Variants in KALRN observed in about 807,000 individuals in gnomAD.
KALRN encodes the protein kalirin RhoGEF kinase.
A neutral mutation model predicts 353.7 loss-of-function variants in KALRN; 70 were observed. That is an observed-to-expected ratio of 0.20 (90% CI 0.16 to 0.24). The LOEUF (loss-of-function observed/expected upper bound fraction) is 0.24. Ranked by LOEUF, KALRN falls within the 10% of genes least tolerant of loss-of-function variation. KALRN has a pLI of 1.00. For missense variants in KALRN, 2,791 were observed against 3,756.7 expected (o/e 0.74, Z 6.72); for synonymous variants, 1,391 against 1,434.8 (o/e 0.97, Z 0.69).
intron 18 of KALRN, among the ~76,000 whole-genome samples, chr3:124,440,387 T>C (rs1301290597): frequency 6.6e-6 from 1 of 152,154 alleles, no homozygotes; most frequent in Non-Finnish European, 1.5e-5. Flanking sequence ...CCTGTCACTG[T>C]GGGAATGATA....
At chr3:124,324,371 T>G (rs776559682) in intron 6 of KALRN, among the ~76,000 whole-genome samples, 11 of 152,222 alleles carry the variant, frequency 7.2e-5, no homozygotes, top group Non-Finnish European at 1.5e-4. Context: ...CTCCCCATTC[T>G]TCCTCTCTAT....
intron 1 of KALRN, among the ~76,000 whole-genome samples, chr3:124,079,504 G>A (rs1443634815): frequency 6.6e-6 from 1 of 152,042 alleles, no homozygotes; most frequent in African/African-American, 2.4e-5. Context: ...CTAACATTTA[G>A]GACCCAGAGC....
At chr3:124,346,047 A>G (rs140718566) in intron 9 of KALRN, among the ~76,000 whole-genome samples, 285 of 152,322 alleles carry the variant, frequency 1.9e-3, no homozygotes, top group African/African-American at 6.4e-3. Context: ...TGTTTAGTTA[A>G]TGGTTAATAT....
At chr3:124,238,373 A>G (rs2080047728) in intron 3 of KALRN, among the ~76,000 whole-genome samples, 1 of 152,218 alleles carries the variant, frequency 6.6e-6, no homozygotes, top group Non-Finnish European at 1.5e-5. Context: ...GAAGCTGTCT[A>G]GCAACACTGC....
intron 33 of KALRN, chr3:124,518,410 T>A: frequency 2.5e-6 from 4 of 1,614,072 alleles, no homozygotes; most frequent in Non-Finnish European, 3.4e-6. Context: ...GATGGCAACC[T>A]TGTTCCTCGG....
intron 2 of KALRN, among the ~76,000 whole-genome samples, chr3:124,230,355 A>G (rs2079008922): frequency 6.6e-6 from 1 of 152,134 alleles, no homozygotes; most frequent in African/African-American, 2.4e-5. Flanking sequence ...TACCTCCTCC[A>G]GGAGACCTTC....
intron 59 of KALRN, 60 bp downstream of exon 59, chr3:124,717,445 G>A (rs2063187637): frequency 2.3e-6 from 3 of 1,291,372 alleles, no homozygotes; most frequent in East Asian, 5.0e-5. Flanking sequence ...CCAGCACTTT[G>A]GGAGGCCAAG....
chr3:124,126,303 ATTATG>A (rs745562684), intron 1 of KALRN, among the ~76,000 whole-genome samples: 9 of 152,192 alleles, frequency 5.9e-5, no homozygotes, highest in Non-Finnish European at 1.0e-4. Flanking sequence ...TTTCCTCAAT[ATTATG>A]TTAAGAAATA....
chr3:124,689,255 A>G (rs1168863241), intron 51 of KALRN, among the ~76,000 whole-genome samples: 1 of 152,094 alleles, frequency 6.6e-6, no homozygotes, highest in Non-Finnish European at 1.5e-5. Context: ...TGCCCAGGCA[A>G]CAGTTGCCCA....
At chr3:124,529,944 CA>C (rs1449011383) in intron 33 of KALRN, among the ~76,000 whole-genome samples, 2 of 152,096 alleles carry the variant, frequency 1.3e-5, no homozygotes, top group Non-Finnish European at 1.5e-5. Flanking sequence ...AGTTGGTTAC[CA>C]ATGAGAAAGA....
intron 1 of KALRN, among the ~76,000 whole-genome samples, chr3:124,098,009 T>C (rs1176038095): frequency 1.3e-5 from 2 of 152,204 alleles, no homozygotes; most frequent in South Asian, 2.1e-4. Context: ...GAGTTGTATA[T>C]AAAAGAAGTC....
chr3:124,549,208 C>A (rs2070120610), intron 33 of KALRN, among the ~76,000 whole-genome samples: 1 of 151,866 alleles, frequency 6.6e-6, no homozygotes. Flanking sequence ...TCTATAAGCT[C>A]CTAGACTTAC....
At chr3:124,630,959 C>T (rs1397552261) in intron 34 of KALRN, among the ~76,000 whole-genome samples, 1 of 141,404 alleles carries the variant, frequency 7.1e-6, no homozygotes. Flanking sequence ...AGGCCATGGC[C>T]CCCTCCATTC....
At chr3:124,479,461 A>T (rs752842043) in intron 27 of KALRN, among the ~76,000 whole-genome samples, 1 of 152,202 alleles carries the variant, frequency 6.6e-6, no homozygotes, top group Non-Finnish European at 1.5e-5. Flanking sequence ...CCTAACTTCT[A>T]CACTTAGGAA....
At chr3:124,319,876 C>T (rs914071655) in intron 6 of KALRN, among the ~76,000 whole-genome samples, 2 of 151,920 alleles carry the variant, frequency 1.3e-5, no homozygotes, top group African/African-American at 4.8e-5. Flanking sequence ...CGCCTGTAAT[C>T]GCAGCTACTC....
At chr3:124,368,365 G>A (rs1212654185) in intron 10 of KALRN, among the ~76,000 whole-genome samples, 10 of 145,118 alleles carry the variant, frequency 6.9e-5, no homozygotes, top group East Asian at 2.2e-4. Flanking sequence ...GGGCAGAGAC[G>A]CTCCTCACCT....
intron 10 of KALRN, among the ~76,000 whole-genome samples, chr3:124,364,653 C>T (rs1576308215): frequency 2.6e-5 from 4 of 152,310 alleles, no homozygotes; most frequent in Admixed American, 2.6e-4. Context: ...CCCAATCCAG[C>T]CCTGTTTGAG....
intron 1 of KALRN, among the ~76,000 whole-genome samples, chr3:124,053,735 T>C (rs1001084944): frequency 6.6e-6 from 1 of 152,248 alleles, no homozygotes; most frequent in African/African-American, 2.4e-5. Context: ...TGCATGCACA[T>C]GATGTTGCTC....
intron 1 of KALRN, among the ~76,000 whole-genome samples, chr3:124,179,483 A>C (rs1008936032): frequency 1.3e-5 from 2 of 152,244 alleles, no homozygotes; most frequent in East Asian, 1.9e-4. Flanking sequence ...AGACCTGCTT[A>C]GACTGTTTTA....
Sources: allele counts gnomAD v4.1 joint callset (sites outside exome capture counted in the v4.1 genomes callset), GRCh38; gene constraint gnomAD v4.1.1; transcripts MANE v1.5; gene names NCBI Gene and HGNC (gene_info 2026-07-23, HGNC 2026-07-21).